The following STAU2 variants were observed in gnomAD, a reference collection of about 807,000 sequenced individuals.
STAU2 encodes double-stranded RNA-binding protein Staufen homolog 2.
STAU2 carries 20 observed loss-of-function variants against 65.9 expected under a neutral mutation model. The ratio of observed to expected loss-of-function variants is 0.30; its 90% CI spans 0.21 to 0.44. STAU2 has a LOEUF of 0.44. Among genes scored for constraint, STAU2 ranks in the 20% least tolerant of loss-of-function variants. The pLI, the probability that STAU2 is intolerant of heterozygous loss-of-function variation, is 1.00. For missense variants in STAU2, 558 were observed against 683.9 expected (o/e 0.82, Z 2.05); for synonymous variants, 232 against 233.9 (o/e 0.99, Z 0.07).
intron 10 of STAU2, among the ~76,000 whole-genome samples, chr8:73,601,500 G>A (rs1033856190): frequency 7.9e-5 from 12 of 151,872 alleles, no homozygotes; most frequent in Admixed American, 7.2e-4. Context: ...TTTTTCTTTG[G>A]TAACAGATAA....
chr8:73,421,288 C>A lies in STAU2; in HGVS notation c.*84G>T. 1 of 1,138,422 alleles carries A rather than the reference C, an allele frequency of 8.8e-7. No individual in the cohort carries two copies. The highest frequency in any genetic ancestry group is 1.3e-5 in the South Asian group (1 of 75,148). 70.5% of individuals were successfully genotyped at this position (1,138,422 alleles called of 1,614,324 possible). A position where few individuals can be genotyped will look rare whatever the true frequency, so the allele number is the denominator to read the frequency against. On this transcript the variant is annotated 3_prime_UTR_variant, in exon 15 of 15. Coordinates refer to ENST00000524300, the MANE Select transcript of STAU2 (RefSeq NM_001164380.2). ...ATAAGACTCAAATAATGGTATTAGT[C>A]ATTCATTTCCCTGAACACAGACACC...
intron 4 of STAU2, among the ~76,000 whole-genome samples, chr8:73,702,653 T>C (rs190722650): frequency 2.2e-4 from 33 of 152,178 alleles, no homozygotes; most frequent in African/African-American, 7.5e-4. Context: ...AAAACAATTA[T>C]AAACATATGC....
intron 3 of STAU2, among the ~76,000 whole-genome samples, chr8:73,733,522 CCCCA>C (rs1388294124): frequency 1.2e-4 from 18 of 152,142 alleles, no homozygotes; most frequent in African/African-American, 4.3e-4. Flanking sequence ...TATTATGGTA[CCCCA>C]GAAACCAGTA....
At chr8:73,524,672 A>C (rs1263289375) in intron 13 of STAU2, among the ~76,000 whole-genome samples, 1 of 152,172 alleles carries the variant, frequency 6.6e-6, no homozygotes, top group Non-Finnish European at 1.5e-5. Context: ...TTTCATAAGA[A>C]GGACCACTTC....
intron 13 of STAU2, among the ~76,000 whole-genome samples, chr8:73,462,773 C>T (rs1472071268): frequency 1.3e-5 from 2 of 151,842 alleles, no homozygotes; most frequent in Non-Finnish European, 2.9e-5. Context: ...TCAAGCCTTG[C>T]CTATATTGTG....
At chr8:73,646,566 T>G (rs547537096) in intron 6 of STAU2, among the ~76,000 whole-genome samples, 2 of 152,222 alleles carry the variant, frequency 1.3e-5, no homozygotes, top group East Asian at 3.9e-4. Flanking sequence ...ACATGACACC[T>G]GATAAAAAGA....
rs189465186 is a variant in STAU2, at chr8:73,540,294, G to C, written c.1530+11718C>G. On this transcript the variant is annotated intron_variant, in intron 13 of 14. Transcript: ENST00000524300. The stretch of plus-strand genomic sequence containing the variant: ...CAAAGGAGAAGGCCATGTGAAGATG[G>C]AGGCAGAAACTGGAATGATGAATCT... Among the ~76,000 whole-genome samples the C allele has an allele frequency of 2.0e-5, 3 of 152,260 alleles. No individual in the cohort carries two copies. In the East Asian group the frequency reaches 5.8e-4, roughly 29 times the overall value.
chr8:73,655,866 T>C (rs2130277996), intron 6 of STAU2, among the ~76,000 whole-genome samples: 1 of 152,090 alleles, frequency 6.6e-6, no homozygotes, highest in East Asian at 1.9e-4. Context: ...GCCAGGATAG[T>C]CTCAATCTCC....
chr8:73,656,202 A>AT (rs1457335475), intron 6 of STAU2, among the ~76,000 whole-genome samples: 3 of 152,246 alleles, frequency 2.0e-5, no homozygotes, highest in African/African-American at 7.2e-5. Context: ...CTAAAATGAG[A>AT]TAAGTTCTCA....
intron 4 of STAU2, among the ~76,000 whole-genome samples, chr8:73,693,895 C>T (rs1169442031): frequency 2.0e-5 from 3 of 152,182 alleles, no homozygotes; most frequent in Non-Finnish European, 4.4e-5. Context: ...GTAAACACCC[C>T]CACTTGAAAG....
At chr8:73,676,438 G>A (rs1818033686) in intron 5 of STAU2, among the ~76,000 whole-genome samples, 1 of 152,108 alleles carries the variant, frequency 6.6e-6, no homozygotes, top group Non-Finnish European at 1.5e-5. Context: ...GATCTAAACT[G>A]TAAAGATCTA....
chr8:73,576,049 T>C (rs1171010637), intron 12 of STAU2, among the ~76,000 whole-genome samples: 1 of 152,150 alleles, frequency 6.6e-6, no homozygotes, highest in Non-Finnish European at 1.5e-5. Context: ...GATTTCTACT[T>C]GTTACAGCAT....
intron 6 of STAU2, among the ~76,000 whole-genome samples, chr8:73,618,868 A>C (rs983739888): frequency 6.6e-6 from 1 of 152,212 alleles, no homozygotes; most frequent in African/African-American, 2.4e-5. Context: ...ATGAGAGGGG[A>C]GTCAGGGATG....
chr8:73,649,865 A>AT (rs1410393758), intron 6 of STAU2, among the ~76,000 whole-genome samples: 2 of 84,972 alleles, frequency 2.4e-5, no homozygotes, highest in Non-Finnish European at 4.6e-5. Context: ...TCTTCTATAT[A>AT]ATTTTATATA....
intron 13 of STAU2, among the ~76,000 whole-genome samples, chr8:73,490,821 G>A (rs973157923): frequency 6.6e-6 from 1 of 151,932 alleles, no homozygotes; most frequent in Non-Finnish European, 1.5e-5. Flanking sequence ...ATAATGCCAT[G>A]CAAAATTAAC....
intron 12 of STAU2, among the ~76,000 whole-genome samples, chr8:73,569,129 C>CG (rs1003102865): frequency 2.0e-5 from 3 of 152,228 alleles, no homozygotes; most frequent in African/African-American, 7.2e-5. Context: ...GCTTTTCCAA[C>CG]GGTCTTAGCA....
At chr8:73,645,314 T>C (rs1300252273) in intron 6 of STAU2, among the ~76,000 whole-genome samples, 1 of 152,186 alleles carries the variant, frequency 6.6e-6, no homozygotes, top group African/African-American at 2.4e-5. Flanking sequence ...ATGTAATCTA[T>C]CACATTAACA....
chr8:73,635,566 C>A (rs549893023), intron 6 of STAU2, among the ~76,000 whole-genome samples: 1 of 152,108 alleles, frequency 6.6e-6, no homozygotes. Context: ...GTGGCTCATG[C>A]CTGTAATCCC....
intron 11 of STAU2, among the ~76,000 whole-genome samples, chr8:73,585,258 C>T (rs758048652): frequency 2.6e-5 from 4 of 152,160 alleles, no homozygotes; most frequent in Non-Finnish European, 5.9e-5. Flanking sequence ...AGGCGAGCGG[C>T]TCACCTGAGG....
Sources: gnomAD v4.1 joint callset for allele counts (sites outside exome capture counted in the v4.1 genomes callset) on GRCh38, gnomAD v4.1.1 for gene constraint, MANE v1.5 for transcripts, NCBI Gene and HGNC (gene_info 2026-07-23, HGNC 2026-07-21) for gene names.